Variants in FAF1 observed in about 807,000 individuals in gnomAD.
FAF1 encodes FAS-associated factor 1.
FAF1 carries 25 observed loss-of-function variants against 92.5 expected under a neutral mutation model. The observed-to-expected ratio is 0.27, with a 90% CI of 0.20 to 0.38. The LOEUF is 0.38. FAF1 is among the 10% of genes least tolerant of loss of function. The probability of loss-of-function intolerance (pLI) is 1.00; values close to 1 mark genes in which losing one functional copy is unlikely to be tolerated. For missense variants in FAF1, 636 were observed against 793.3 expected (o/e 0.80, Z 2.38); for synonymous variants, 234 against 273.2 (o/e 0.86, Z 1.42).
chr1:50,784,635 C>A (rs1010823590), intron 4 of FAF1, among the ~76,000 whole-genome samples: 2 of 152,246 alleles, frequency 1.3e-5, no homozygotes, highest in Admixed American at 6.5e-5. Flanking sequence ...AGATTCAATG[C>A]AATCTCTATC....
At chr1:50,796,253 C>T (rs1400453442) in intron 3 of FAF1, among the ~76,000 whole-genome samples, 1 of 152,038 alleles carries the variant, frequency 6.6e-6, no homozygotes, top group African/African-American at 2.4e-5. Flanking sequence ...AGTTTGCACA[C>T]TGATCCTATC....
chr1:50,699,876 G>A (rs1657391955), intron 7 of FAF1, among the ~76,000 whole-genome samples: 1 of 152,094 alleles, frequency 6.6e-6, no homozygotes, highest in Non-Finnish European at 1.5e-5. Context: ...ATCCTAAACA[G>A]ACACAGTCTT....
chr1:50,442,209 G>A (rs1434712377), intron 18 of FAF1, among the ~76,000 whole-genome samples: 1 of 152,106 alleles, frequency 6.6e-6, no homozygotes, highest in East Asian at 1.9e-4. Flanking sequence ...CCTAGGCAAC[G>A]GGCAGGGATG....
Position 50,567,160 on chromosome 1 carries a change from A to T in FAF1, c.1185T>A (p.Leu395=), listed in dbSNP as rs747407831. The change falls in exon 13 of 19, where the codon CTT becomes CTA. Residue 395 remains leucine, a synonymous_variant. Coordinates refer to ENST00000396153, the MANE Select transcript of FAF1 (RefSeq NM_007051.3). Reference sequence around the variant, plus strand: ...GATAAGAAACAATGGATTCAGCACAAAGCATTTGTGAGCAGAACACGTTGG... The same window carrying T: ...GATAAGAAACAATGGATTCAGCACATAGCATTTGTGAGCAGAACACGTTGG... ...VLTNVFCSQM[L]CAESIVSYLS... 1 of 1,611,080 alleles carries T rather than the reference A, an allele frequency of 6.2e-7. No homozygotes were observed. Among genetic ancestry groups the T allele is most frequent in the East Asian group, 2.2e-5 (1 of 44,826 alleles).
chr1:50,654,641 T>C (rs1435845341), intron 8 of FAF1, among the ~76,000 whole-genome samples: 3 of 152,228 alleles, frequency 2.0e-5, no homozygotes, highest in Non-Finnish European at 4.4e-5. Context: ...AAAGTGTTAT[T>C]AACTATAAAA....
chr1:50,548,538 T>A (rs959618918), intron 13 of FAF1, among the ~76,000 whole-genome samples: 13 of 152,200 alleles, frequency 8.5e-5, no homozygotes, highest in Non-Finnish European at 2.9e-5. Flanking sequence ...ACTTTTGAAA[T>A]CAGTTTAATT....
chr1:50,759,668 G>C (rs1262140233), intron 4 of FAF1, among the ~76,000 whole-genome samples: 1 of 152,168 alleles, frequency 6.6e-6, no homozygotes, highest in Non-Finnish European at 1.5e-5. Context: ...TATATACCCA[G>C]TAATGGGATG....
intron 8 of FAF1, among the ~76,000 whole-genome samples, chr1:50,611,228 T>C (rs548822353): frequency 1.0e-3 from 154 of 152,348 alleles, no homozygotes; most frequent in African/African-American, 3.5e-3. Context: ...CAGCTACTTT[T>C]AGACTTATGA....
intron 7 of FAF1, among the ~76,000 whole-genome samples, chr1:50,701,306 C>A (rs898573967): frequency 4.6e-5 from 7 of 151,960 alleles, no homozygotes; most frequent in Admixed American, 4.6e-4. Context: ...TTAATTTACC[C>A]TCTTGCATAT....
intron 17 of FAF1, among the ~76,000 whole-genome samples, chr1:50,485,667 CAAAAAAAAAAAA>C (rs999538430): frequency 1.2e-3 from 17 of 13,716 alleles, no homozygotes; most frequent in South Asian, 8.9e-3. Flanking sequence ...GAGACTGTCT[CAAAAAAAAAAAA>C]AAAAAAAAAA....
At chr1:50,936,015 T>C (rs1461304664) in intron 1 of FAF1, among the ~76,000 whole-genome samples, 2 of 152,202 alleles carry the variant, frequency 1.3e-5, no homozygotes, top group Admixed American at 6.5e-5. Context: ...CATTTACATA[T>C]GCAAATGACA....
intron 13 of FAF1, among the ~76,000 whole-genome samples, chr1:50,550,337 T>G (rs1649251894): frequency 2.5e-5 from 3 of 121,190 alleles, no homozygotes; most frequent in African/African-American, 3.4e-5. Flanking sequence ...GGCGACAGAG[T>G]GAGACTCCGT....
At chr1:50,638,356 C>T (rs929116691) in intron 8 of FAF1, among the ~76,000 whole-genome samples, 6 of 152,016 alleles carry the variant, frequency 3.9e-5, no homozygotes, top group Non-Finnish European at 5.9e-5. Flanking sequence ...AGAACTTGCG[C>T]AAGTGAACAT....
chr1:50,612,783 C>A (rs1652738469), intron 8 of FAF1, among the ~76,000 whole-genome samples: 2 of 152,208 alleles, frequency 1.3e-5, no homozygotes, highest in African/African-American at 4.8e-5. Context: ...TGGGTACTAT[C>A]TAGAAACAAG....
intron 7 of FAF1, among the ~76,000 whole-genome samples, chr1:50,670,294 T>C (rs561339889): frequency 2.6e-5 from 4 of 152,134 alleles, no homozygotes; most frequent in East Asian, 3.9e-4. Context: ...CGCCATGTTG[T>C]GCAGGCTGGT....
At chr1:50,482,978 T>C (rs1321506796) in intron 17 of FAF1, among the ~76,000 whole-genome samples, 9 of 152,184 alleles carry the variant, frequency 5.9e-5, no homozygotes, top group Non-Finnish European at 1.2e-4. Flanking sequence ...AAGTTTCTAA[T>C]CTTGATAAAG....
intron 18 of FAF1, among the ~76,000 whole-genome samples, chr1:50,457,771 G>T (rs1162199830): frequency 7.2e-6 from 1 of 138,082 alleles, no homozygotes; most frequent in African/African-American, 2.8e-5. Context: ...AGGCATGGTG[G>T]TGTGCACTTA....
intron 2 of FAF1, among the ~76,000 whole-genome samples, chr1:50,834,685 T>A (rs1259457172): frequency 6.6e-6 from 1 of 152,198 alleles, no homozygotes; most frequent in Non-Finnish European, 1.5e-5. Flanking sequence ...AAAACTGATA[T>A]ATGTTAGCCT....
chr1:50,861,454 A>G (rs1644431874), intron 1 of FAF1, among the ~76,000 whole-genome samples: 2 of 151,832 alleles, frequency 1.3e-5, no homozygotes, highest in Non-Finnish European at 2.9e-5. Flanking sequence ...ACCCCGAAAC[A>G]GAAAGTCAAA....
Sources: gnomAD v4.1 joint callset for allele counts (sites outside exome capture counted in the v4.1 genomes callset) on GRCh38, gnomAD v4.1.1 for gene constraint, MANE v1.5 for transcripts, NCBI Gene and HGNC (gene_info 2026-07-23, HGNC 2026-07-21) for gene names.